UBASH3B: variants seen among roughly 807,000 people sequenced by gnomAD.
UBASH3B encodes ubiquitin associated and SH3 domain containing B, also known as ubiquitin-associated and SH3 domain-containing protein B.
UBASH3B carries 37 observed loss-of-function variants against 83.4 expected under a neutral mutation model. The ratio of observed to expected loss-of-function variants is 0.44; its 90% CI spans 0.34 to 0.58. The LOEUF is 0.58. UBASH3B is among the 20% of genes least tolerant of loss of function. The pLI is 0.01. For synonymous variants in UBASH3B, 304 were observed against 318.3 expected (o/e 0.96, Z 0.48); for missense variants, 657 against 827.2 (o/e 0.79, Z 2.52).
intron 1 of UBASH3B, among the ~76,000 whole-genome samples, chr11:122,768,233 T>C (rs374940398): frequency 2.0e-5 from 3 of 152,100 alleles, no homozygotes; most frequent in Non-Finnish European, 4.4e-5. Context: ...TCAGACCTGA[T>C]TGGCTCCATT....
intron 4 of UBASH3B, among the ~76,000 whole-genome samples, chr11:122,780,704 G>A (rs1860836900): frequency 6.6e-6 from 1 of 152,226 alleles, no homozygotes; most frequent in South Asian, 2.1e-4. Context: ...GACAATGGAG[G>A]AAAGGCCTGC....
intron 1 of UBASH3B, among the ~76,000 whole-genome samples, chr11:122,760,436 C>T (rs753696225): frequency 5.9e-5 from 9 of 151,998 alleles, no homozygotes; most frequent in Admixed American, 2.0e-4. Flanking sequence ...CCTTGGCTCA[C>T]TGCAACCTCC....
chr11:122,738,422 TAGAAGACAGAGG>T (rs1296509666), intron 1 of UBASH3B, among the ~76,000 whole-genome samples: 7 of 152,070 alleles, frequency 4.6e-5, no homozygotes, highest in Admixed American at 6.5e-5. Flanking sequence ...GAGGAAGAGA[TAGAAGACAGAGG>T]AGAAGACAGG....
At chr11:122,702,368 A>G (rs189990219) in intron 1 of UBASH3B, among the ~76,000 whole-genome samples, 1 of 152,238 alleles carries the variant, frequency 6.6e-6, no homozygotes, top group Admixed American at 6.5e-5. Flanking sequence ...TCATCACATA[A>G]AGTATAATAT....
At chr11:122,765,105 T>C (rs1259670719) in intron 1 of UBASH3B, among the ~76,000 whole-genome samples, 1 of 151,840 alleles carries the variant, frequency 6.6e-6, no homozygotes, top group Non-Finnish European at 1.5e-5. Context: ...TTTTCATGTC[T>C]AGACTTGCAC....
chr11:122,786,731 G>A (rs1336935548), intron 5 of UBASH3B, among the ~76,000 whole-genome samples: 1 of 152,206 alleles, frequency 6.6e-6, no homozygotes, highest in African/African-American at 2.4e-5. Flanking sequence ...ATATAAATTA[G>A]GCATGTGTTC....
rs757657797 is a variant in UBASH3B at position 122,794,730 on chromosome 11, T to A, written c.1009T>A (p.Ser337Thr). ...GSYSILNTSS[S>T]NSLTFGDGVL... ...TTATTCAATCTTAAATACATCGTCA[T>A]CCAACTCTCTCACGTTTGGGGATGG... Residue 337 changes from serine (S) to threonine (T), a missense_variant, in exon 7 of 14, where the codon TCC (serine) becomes ACC (threonine). Physicochemically the swap from Ser to Thr is moderately conservative, Grantham distance 58. Coordinates refer to ENST00000284273, the MANE Select transcript of UBASH3B (RefSeq NM_032873.5). The A allele has an allele frequency of 6.2e-7, 1 of 1,614,118 alleles. No individual in the cohort carries two copies. The highest frequency in any genetic ancestry group is 1.1e-5 in the South Asian group (1 of 91,072).
intron 1 of UBASH3B, among the ~76,000 whole-genome samples, chr11:122,705,171 G>A (rs780994503): frequency 7.9e-5 from 12 of 152,188 alleles, no homozygotes; most frequent in Non-Finnish European, 1.5e-4. Flanking sequence ...TCCTGGCTGG[G>A]AGCAGTGGCT....
intron 1 of UBASH3B, among the ~76,000 whole-genome samples, chr11:122,712,825 G>A (rs2135937614): frequency 6.7e-6 from 1 of 150,368 alleles, no homozygotes; most frequent in South Asian, 2.1e-4. Context: ...GAGGAATAGT[G>A]GTACAGGGAT....
chr11:122,792,570 C>T (rs1015070733), intron 6 of UBASH3B, among the ~76,000 whole-genome samples: 3 of 152,128 alleles, frequency 2.0e-5, no homozygotes, highest in Non-Finnish European at 2.9e-5. Context: ...CTGCCTGCCT[C>T]GGCCTCTCAA....
At chr11:122,760,963 C>T (rs899318642) in intron 1 of UBASH3B, among the ~76,000 whole-genome samples, 1 of 152,180 alleles carries the variant, frequency 6.6e-6, no homozygotes, top group South Asian at 2.1e-4. Context: ...CCCTGGATTT[C>T]GGTCTCCCTG....
intron 1 of UBASH3B, chr11:122,774,046 G>A (rs1401395251): frequency 1.5e-5 from 15 of 985,012 alleles, no homozygotes; most frequent in African/African-American, 1.8e-5. Context: ...GTGCATACAC[G>A]GCTTCTGTAC....
intron 1 of UBASH3B, among the ~76,000 whole-genome samples, chr11:122,724,657 AT>A (rs1396004926): frequency 2.0e-5 from 3 of 152,154 alleles, no homozygotes; most frequent in African/African-American, 7.2e-5. Context: ...TTAAAATGTC[AT>A]TAGCAATTCA....
At chr11:122,704,168 G>A (rs1484969999) in intron 1 of UBASH3B, among the ~76,000 whole-genome samples, 3 of 152,152 alleles carry the variant, frequency 2.0e-5, no homozygotes, top group Admixed American at 6.5e-5. Flanking sequence ...TTTTATTTAC[G>A]GGCTGAGTCC....
chr11:122,791,074 G>A (rs559765128), intron 6 of UBASH3B, among the ~76,000 whole-genome samples: 2 of 152,294 alleles, frequency 1.3e-5, no homozygotes, highest in African/African-American at 2.4e-5. Flanking sequence ...GAGTGACTTC[G>A]GTCAGTGCGT....
chr11:122,777,226 C>A lies in UBASH3B; in HGVS notation c.402+16C>A. On this transcript the variant is annotated intron_variant, in intron 3 of 13. Coordinates refer to ENST00000284273, the MANE Select transcript of UBASH3B (RefSeq NM_032873.5). ...GTTCTTTATGGTGAGCGGCAGCGCC[C>A]CCACCCCTGGGAAGCCTGGCTCCTA... 6.3e-7 allele frequency: 1 copy of A among 1,599,742 alleles called. No homozygotes were observed. Among genetic ancestry groups the A allele is most frequent in the Non-Finnish European group, 8.5e-7 (1 of 1,171,956 alleles).
chr11:122,734,995 A>G (rs1252760937), intron 1 of UBASH3B, among the ~76,000 whole-genome samples: 2 of 152,078 alleles, frequency 1.3e-5, no homozygotes, highest in Admixed American at 6.6e-5. Context: ...TTTTTACTTA[A>G]GCCATTCAGG....
intron 4 of UBASH3B, 24 bp downstream of exon 4, chr11:122,779,719 GC>G: frequency 6.2e-7 from 1 of 1,613,394 alleles, no homozygotes; most frequent in Non-Finnish European, 8.5e-7. Context: ...TGCCAGGCCA[GC>G]CCTGGGCCCT....
chr11:122,776,295 G>A, intron 2 of UBASH3B, 23 bp downstream of exon 2: 1 of 1,594,066 alleles, frequency 6.3e-7, no homozygotes, highest in Non-Finnish European at 8.5e-7. Flanking sequence ...TAAATAAATT[G>A]AGAAAATAGC....
Sources: allele counts gnomAD v4.1 joint callset (sites outside exome capture counted in the v4.1 genomes callset), GRCh38; gene constraint gnomAD v4.1.1; transcripts MANE v1.5; gene names NCBI Gene and HGNC (gene_info 2026-07-23, HGNC 2026-07-21).